The following ROBO2 variants were observed in gnomAD, a reference collection of about 807,000 sequenced individuals.
ROBO2 encodes the protein roundabout homolog 2.
In ROBO2, 53 loss-of-function variants were observed where a neutral mutation model predicts 160.8. The ratio of observed to expected loss-of-function variants is 0.33; its 90% CI spans 0.26 to 0.41. The LOEUF (loss-of-function observed/expected upper bound fraction) is 0.41, where lower values mean the gene tolerates loss of function less well. ROBO2 is among the 10% of genes least tolerant of loss of function. The pLI, the probability that ROBO2 is intolerant of heterozygous loss-of-function variation, is 1.00. For missense variants in ROBO2, 1,577 were observed against 1,722.4 expected (o/e 0.92, Z 1.49); for synonymous variants, 664 against 611.7 (o/e 1.09, Z -1.26).
chr3:76,319,310 C>T (rs1010700367), intron 2 of ROBO2, among the ~76,000 whole-genome samples: 1 of 152,252 alleles, frequency 6.6e-6, no homozygotes, highest in South Asian at 2.1e-4. Flanking sequence ...TCTTGACTTA[C>T]TCCACACTGG....
At chr3:76,263,787 C>G (rs570436345) in intron 2 of ROBO2, among the ~76,000 whole-genome samples, 2 of 152,178 alleles carry the variant, frequency 1.3e-5, no homozygotes, top group East Asian at 3.9e-4. Context: ...TATTGCAGCA[C>G]TATTTACAAC....
chr3:76,390,460 G>T (rs2077095871), intron 2 of ROBO2, among the ~76,000 whole-genome samples: 2 of 152,064 alleles, frequency 1.3e-5, no homozygotes, highest in Admixed American at 6.6e-5. Context: ...ACATTAAAGA[G>T]ATTCTTTTTA....
intron 2 of ROBO2, among the ~76,000 whole-genome samples, chr3:77,245,359 A>G (rs2089603217): frequency 1.3e-5 from 2 of 152,270 alleles, no homozygotes; most frequent in South Asian, 4.1e-4. Context: ...GTTAACGGGT[A>G]ATGACATTGC....
chr3:75,918,951 G>A (rs906875714), intron 1 of ROBO2, among the ~76,000 whole-genome samples: 6 of 152,078 alleles, frequency 3.9e-5, no homozygotes, highest in South Asian at 4.1e-4. Flanking sequence ...AGGTGGTGGC[G>A]TTTTGTAAAT....
chr3:77,272,537 A>T (rs549966059), intron 2 of ROBO2, among the ~76,000 whole-genome samples: 26 of 152,290 alleles, frequency 1.7e-4, no homozygotes, highest in African/African-American at 6.3e-4. Flanking sequence ...CCCACCTCAA[A>T]CACAAACACT....
intron 2 of ROBO2, among the ~76,000 whole-genome samples, chr3:77,438,459 G>A (rs574899043): frequency 1.3e-5 from 2 of 151,728 alleles, no homozygotes; most frequent in Admixed American, 6.6e-5. Context: ...ACGAGAGAGA[G>A]CAGGTTTGCC....
chr3:77,514,251 C>T (rs529950387), intron 5 of ROBO2, among the ~76,000 whole-genome samples: 23 of 151,506 alleles, frequency 1.5e-4, no homozygotes, highest in Non-Finnish European at 1.8e-4. Flanking sequence ...CAATTAAAAG[C>T]AAAATATAAA....
At chr3:76,937,133 T>G (rs1205742269) in intron 2 of ROBO2, among the ~76,000 whole-genome samples, 1 of 152,156 alleles carries the variant, frequency 6.6e-6, no homozygotes, top group Non-Finnish European at 1.5e-5. Flanking sequence ...ATGAGCTACT[T>G]TTGTCACGTT....
chr3:77,371,165 T>C (rs2071695808), intron 2 of ROBO2, among the ~76,000 whole-genome samples: 1 of 152,204 alleles, frequency 6.6e-6, no homozygotes, highest in African/African-American at 2.4e-5. Flanking sequence ...TAAAAATGCT[T>C]TATGTTCCAG....
intron 2 of ROBO2, among the ~76,000 whole-genome samples, chr3:75,961,292 G>A (rs1948902356): frequency 6.6e-6 from 1 of 151,516 alleles, no homozygotes; most frequent in Non-Finnish European, 1.5e-5. Flanking sequence ...ATTACACTAA[G>A]TGATTTACTT....
intron 2 of ROBO2, among the ~76,000 whole-genome samples, chr3:77,161,332 A>G (rs890309475): frequency 6.6e-6 from 1 of 152,220 alleles, no homozygotes; most frequent in East Asian, 1.9e-4. Context: ...ATATGGGACT[A>G]TTCAAATATA....
At chr3:76,151,155 T>G (rs1233006126) in intron 2 of ROBO2, among the ~76,000 whole-genome samples, 1 of 152,158 alleles carries the variant, frequency 6.6e-6, no homozygotes, top group Non-Finnish European at 1.5e-5. Flanking sequence ...CCCAGACTAC[T>G]TCTTGAGGCC....
intron 2 of ROBO2, among the ~76,000 whole-genome samples, chr3:76,673,167 A>G (rs1575858605): frequency 6.6e-6 from 1 of 152,306 alleles, no homozygotes; most frequent in East Asian, 1.9e-4. Context: ...TAAAACAGTA[A>G]ACGGTTCATC....
chr3:77,240,264 G>C (rs1288673266), intron 2 of ROBO2, among the ~76,000 whole-genome samples: 1 of 152,128 alleles, frequency 6.6e-6, no homozygotes, highest in African/African-American at 2.4e-5. Context: ...GCAAGAATTC[G>C]AGTGTGGCGC....
At chr3:76,531,319 T>G (rs1209366474) in intron 2 of ROBO2, among the ~76,000 whole-genome samples, 1 of 152,178 alleles carries the variant, frequency 6.6e-6, no homozygotes, top group Non-Finnish European at 1.5e-5. Context: ...AACAGCATAC[T>G]TCACTTCCTT....
Position 77,084,640 on chromosome 3 carries a change from C to A in ROBO2, c.62-13374C>A, listed in dbSNP as rs187022932. Among the ~76,000 whole-genome samples, 223 of 151,970 alleles carry A rather than the reference C, an allele frequency of 1.5e-3. 1 individual carries two copies. The highest frequency in any genetic ancestry group is 5.0e-3 in the African/African-American group (207 of 41,448). ...TCCACATGGTAATAACCTGGGGAAA[C>A]CTGGGGATGATCAGTTTCATTTGAT... On this transcript the variant is annotated intron_variant, in intron 1 of 25. Coordinates refer to ENST00000461745, the Ensembl canonical transcript of ROBO2.
intron 2 of ROBO2, among the ~76,000 whole-genome samples, chr3:77,307,867 A>G (rs1342459658): frequency 1.3e-5 from 2 of 152,096 alleles, no homozygotes; most frequent in Non-Finnish European, 2.9e-5. Context: ...CCAAGGCAGG[A>G]GAATCGCTGG....
At chr3:77,372,689 C>A (rs774757428) in intron 2 of ROBO2, among the ~76,000 whole-genome samples, 2 of 152,014 alleles carry the variant, frequency 1.3e-5, no homozygotes, top group African/African-American at 2.4e-5. Context: ...AATTCTTTCT[C>A]GGTACAGGGA....
intron 2 of ROBO2, among the ~76,000 whole-genome samples, chr3:76,267,501 A>T (rs906367268): frequency 6.6e-6 from 1 of 152,176 alleles, no homozygotes; most frequent in Non-Finnish European, 1.5e-5. Flanking sequence ...TTGGTCCTTT[A>T]AATAGACACT....
Sources: allele counts gnomAD v4.1 joint callset (sites outside exome capture counted in the v4.1 genomes callset), GRCh38; gene constraint gnomAD v4.1.1; transcripts MANE v1.5; gene names NCBI Gene and HGNC (gene_info 2026-07-23, HGNC 2026-07-21).